Variants in CDKL4 observed in about 807,000 individuals in gnomAD.
CDKL4 encodes the protein cyclin dependent kinase like 4, also known as cyclin-dependent kinase-like 4.
In CDKL4, 44 loss-of-function variants were observed where a neutral mutation model predicts 42.0. That is an observed-to-expected ratio of 1.05 (90% CI 0.82 to 1.35). The LOEUF (loss-of-function observed/expected upper bound fraction) is 1.35. Among genes scored for constraint, CDKL4 ranks in the 40% most tolerant of loss-of-function variants. The pLI, the probability that CDKL4 is intolerant of heterozygous loss-of-function variation, is 0.00. For synonymous variants in CDKL4, 120 were observed against 121.6 expected, an observed-to-expected ratio of 0.99 and a Z score of 0.09; for missense variants, 393 against 369.9, an observed-to-expected ratio of 1.06 and a Z score of -0.51.
At chr2:39,222,588 T>C (rs1392769633) in intron 3 of CDKL4, among the ~76,000 whole-genome samples, 1 of 151,812 alleles carries the variant, frequency 6.6e-6, no homozygotes, top group Non-Finnish European at 1.5e-5. Flanking sequence ...AGACTCTGTC[T>C]CTAAATAAAT....
At chr2:39,217,143 C>G (rs1354825224) in intron 3 of CDKL4, among the ~76,000 whole-genome samples, 1 of 152,170 alleles carries the variant, frequency 6.6e-6, no homozygotes, top group East Asian at 1.9e-4. Flanking sequence ...CAGCATTTTT[C>G]AAAGCATCTT....
intron 8 of CDKL4, among the ~76,000 whole-genome samples, chr2:39,182,710 T>G (rs999078188): frequency 1.3e-5 from 2 of 152,252 alleles, no homozygotes; most frequent in South Asian, 2.1e-4. Flanking sequence ...GTCTATAGTC[T>G]TCTTCTTGAT....
intron 5 of CDKL4, among the ~76,000 whole-genome samples, chr2:39,192,473 G>A (rs1044103278): frequency 6.6e-6 from 1 of 151,874 alleles, no homozygotes; most frequent in East Asian, 1.9e-4. Flanking sequence ...CAATCCTCCT[G>A]CCTCAGCCTC....
At position 39,225,969 on chromosome 2, in the gene CDKL4, G is replaced by A. The variant is rs1174843100; in HGVS notation, c.169-9C>T. The A allele has an allele frequency of 6.2e-7, 1 of 1,606,032 alleles. No individual in the cohort carries two copies. The highest frequency in any genetic ancestry group is 1.7e-5 in the Admixed American group (1 of 58,704). On this transcript the variant is annotated splice_polypyrimidine_tract_variant and intron_variant, in intron 2 of 9. Transcript: ENST00000451199. ...TTTGGATGTTTTAATTGCTGTGAAA[G>A]AATTGAAATGCAAAGTTAAGTGATC...
At chr2:39,205,312 A>ATAAC (rs2148335091) in intron 4 of CDKL4, among the ~76,000 whole-genome samples, 1 of 152,388 alleles carries the variant, frequency 6.6e-6, no homozygotes, top group Non-Finnish European at 1.5e-5. Flanking sequence ...AGTACCTCTA[A>ATAAC]TAACTGCTGC....
chr2:39,193,270 T>TA lies in CDKL4; in HGVS notation c.455-2769dup, dbSNP rs1191502183. Among the ~76,000 whole-genome samples, 775 of 136,038 alleles carry TA rather than the reference T, an allele frequency of 5.7e-3. 7 individuals carry two copies. Among genetic ancestry groups the TA allele is most frequent in the East Asian group, 0.021 (103 of 4,838 alleles). 89.2% of individuals were successfully genotyped at this position (136,038 alleles called of 152,430 possible). ...GCAGAATGGCGAAATCTCTCTCTGTTAAAAAAAAAAAAAAAGAATTATTCC... is the reference window on the plus strand; with the variant it reads ...GCAGAATGGCGAAATCTCTCTCTGTTAAAAAAAAAAAAAAAAGAATTATTCC... On this transcript the variant is annotated intron_variant, in intron 5 of 9. Coordinates refer to ENST00000451199, the Ensembl canonical transcript of CDKL4.
At chr2:39,231,167 G>A (rs962267755) in intron 1 of CDKL4, among the ~76,000 whole-genome samples, 6 of 152,090 alleles carry the variant, frequency 3.9e-5, no homozygotes, top group Admixed American at 1.3e-4. Flanking sequence ...AGCTGAGATC[G>A]CACCACTGCA....
rs200953267 is a variant in CDKL4, at chr2:39,228,307, C to CT, written c.168+1057dup. Among the ~76,000 whole-genome samples the CT allele has an allele frequency of 1.4e-3, 216 of 152,040 alleles. 4 individuals are homozygous for CT. In the East Asian group the frequency reaches 0.035, roughly 25 times the overall value. On this transcript the variant is annotated intron_variant, in intron 2 of 9. Transcript: ENST00000451199. ...CTGCTGGCTGAGAGGTAAGAGTGAACTTTTTTTTATCATGATGGATGTGTT... is the reference window on the plus strand; with the variant it reads ...CTGCTGGCTGAGAGGTAAGAGTGAACTTTTTTTTTATCATGATGGATGTGTT...
chr2:39,246,731 A>C (rs1316848752), upstream of CDKL4, among the ~76,000 whole-genome samples: 1 of 151,946 alleles, frequency 6.6e-6, no homozygotes, highest in Non-Finnish European at 1.5e-5. Context: ...AAGCAGAATT[A>C]GGCACAACCT....
chr2:39,217,258 G>C (rs1677987445), intron 3 of CDKL4, among the ~76,000 whole-genome samples: 1 of 152,172 alleles, frequency 6.6e-6, no homozygotes, highest in South Asian at 2.1e-4. Flanking sequence ...AAGTAACCGA[G>C]GTTCTTGCCA....
intron 4 of CDKL4, among the ~76,000 whole-genome samples, chr2:39,212,645 C>T (rs1677660256): frequency 6.6e-6 from 1 of 151,888 alleles, no homozygotes; most frequent in Non-Finnish European, 1.5e-5. Flanking sequence ...GGGATTACAT[C>T]AGCAATATCC....
chr2:39,196,457 C>A (rs1676520024), intron 5 of CDKL4, among the ~76,000 whole-genome samples: 1 of 152,128 alleles, frequency 6.6e-6, no homozygotes, highest in South Asian at 2.1e-4. Context: ...AGCCCCATCC[C>A]TAGGGGAAAG....
At chr2:39,226,702 C>T (rs1019199135) in intron 2 of CDKL4, among the ~76,000 whole-genome samples, 1 of 151,756 alleles carries the variant, frequency 6.6e-6, no homozygotes, top group Non-Finnish European at 1.5e-5. Context: ...GAAGCCAGGA[C>T]TATCGTAGGC....
intron 5 of CDKL4, among the ~76,000 whole-genome samples, chr2:39,195,866 T>C (rs1002699274): frequency 7.9e-5 from 12 of 152,094 alleles, no homozygotes; most frequent in Non-Finnish European, 1.6e-4. Flanking sequence ...AAATGGTTGA[T>C]AGGAGGCAGG....
chr2:39,191,037 C>T (rs887129572), intron 5 of CDKL4, among the ~76,000 whole-genome samples: 1 of 152,164 alleles, frequency 6.6e-6, no homozygotes, highest in Non-Finnish European at 1.5e-5. Flanking sequence ...CCAAGCGATA[C>T]TGGAGGCAGA....
intron 3 of CDKL4, among the ~76,000 whole-genome samples, chr2:39,220,799 A>T (rs553967671): frequency 8.1e-4 from 122 of 149,878 alleles, no homozygotes; most frequent in African/African-American, 3.0e-3. Flanking sequence ...GTTGGCCAGG[A>T]TGGTCTTGAA....
intron 8 of CDKL4, among the ~76,000 whole-genome samples, chr2:39,179,684 G>A (rs999583207): frequency 3.3e-5 from 5 of 152,190 alleles, no homozygotes; most frequent in African/African-American, 1.2e-4. Context: ...GAAATGCGAA[G>A]TCTTGGGTCC....
chr2:39,172,059 C>T (rs1675014128), downstream of CDKL4, among the ~76,000 whole-genome samples: 1 of 152,148 alleles, frequency 6.6e-6, no homozygotes, highest in East Asian at 1.9e-4. Flanking sequence ...GATTGTAATG[C>T]CAGCACTTTG....
chr2:39,205,218 G>GTT (rs550844325), intron 4 of CDKL4, among the ~76,000 whole-genome samples: 72 of 152,190 alleles, frequency 4.7e-4, no homozygotes, highest in African/African-American at 1.7e-3. Flanking sequence ...CAAGAAGAGA[G>GTT]TAACATACAA....
Sources: gnomAD v4.1 joint callset for allele counts (sites outside exome capture counted in the v4.1 genomes callset) on GRCh38, gnomAD v4.1.1 for gene constraint, MANE v1.5 for transcripts, NCBI Gene and HGNC (gene_info 2026-07-23, HGNC 2026-07-21) for gene names.